THSD7B: variants seen among roughly 807,000 people sequenced by gnomAD.
THSD7B encodes the protein thrombospondin type 1 domain containing 7B.
THSD7B carries 138 observed loss-of-function variants against 213.6 expected under a neutral mutation model. That is an observed-to-expected ratio of 0.65 (90% confidence interval 0.56 to 0.74). THSD7B has a LOEUF of 0.74. THSD7B is among the 30% of genes least tolerant of loss of function. THSD7B has a pLI of 0.00. For missense variants in THSD7B, 1,931 were observed against 1,991.5 expected (o/e 0.97, Z 0.58); for synonymous variants, 742 against 687.0 (o/e 1.08, Z -1.25).
At chr2:137,095,288 G>C (rs1252151189) in intron 4 of THSD7B, among the ~76,000 whole-genome samples, 167 bp downstream of exon 4, 2 of 152,170 alleles carry the variant, frequency 1.3e-5, no homozygotes, top group African/African-American at 2.4e-5. Context: ...ATGGGCTTTG[G>C]TGTTGACTCC....
At chr2:136,903,174 A>T (rs1466788934) in intron 2 of THSD7B, among the ~76,000 whole-genome samples, 2 of 152,334 alleles carry the variant, frequency 1.3e-5, no homozygotes, top group Admixed American at 1.3e-4. Flanking sequence ...TTTTAAAAAA[A>T]ATATGAAATT....
chr2:137,472,498 T>A (rs1163165420), intron 15 of THSD7B, among the ~76,000 whole-genome samples: 2 of 152,182 alleles, frequency 1.3e-5, no homozygotes, highest in South Asian at 2.1e-4. Flanking sequence ...ACAAAAAAAA[T>A]TAAGTGGCAT....
intron 12 of THSD7B, among the ~76,000 whole-genome samples, chr2:137,387,346 T>C (rs138075507): frequency 6.6e-6 from 1 of 152,302 alleles, no homozygotes; most frequent in Non-Finnish European, 1.5e-5. Flanking sequence ...CCCAGGCAGT[T>C]TCTCAGAGGG....
At chr2:137,220,616 G>A (rs985408705) in intron 7 of THSD7B, among the ~76,000 whole-genome samples, 1 of 152,180 alleles carries the variant, frequency 6.6e-6, no homozygotes, top group African/African-American at 2.4e-5. Context: ...AAAGAGTGCA[G>A]ACACTTTGGA....
chr2:136,940,290 A>T (rs1018966733), intron 2 of THSD7B, among the ~76,000 whole-genome samples: 4 of 152,032 alleles, frequency 2.6e-5, no homozygotes, highest in African/African-American at 7.2e-5. Context: ...TTTCTAATTC[A>T]CTTAAGATAA....
chr2:137,069,067 T>G (rs1252139575), intron 3 of THSD7B, among the ~76,000 whole-genome samples: 1 of 152,082 alleles, frequency 6.6e-6, no homozygotes, highest in Admixed American at 6.6e-5. Context: ...TACTCTGCTC[T>G]CTCATCATTG....
At chr2:137,670,788 G>C (rs993179519) in intron 27 of THSD7B, among the ~76,000 whole-genome samples, 13 of 152,090 alleles carry the variant, frequency 8.5e-5, no homozygotes, top group Middle Eastern at 3.4e-3. Flanking sequence ...AGGTGTGGTG[G>C]CGGGCGCCTG....
chr2:137,417,279 T>G (rs112966284), intron 14 of THSD7B, among the ~76,000 whole-genome samples: 2,191 of 152,302 alleles, frequency 0.014, 44 homozygotes, highest in African/African-American at 0.05. Context: ...TTTAAATAAT[T>G]GAAATATTTC....
intron 7 of THSD7B, among the ~76,000 whole-genome samples, chr2:137,208,097 A>C (rs1298388582): frequency 6.6e-6 from 1 of 152,124 alleles, no homozygotes; most frequent in African/African-American, 2.4e-5. Context: ...AATTATCGCC[A>C]GACCAACTCA....
intron 2 of THSD7B, among the ~76,000 whole-genome samples, chr2:136,959,528 C>T (rs1271202242): frequency 2.6e-5 from 4 of 152,194 alleles, no homozygotes; most frequent in Non-Finnish European, 5.9e-5. Flanking sequence ...ACTTGACTGT[C>T]AGAGCACTCA....
intron 17 of THSD7B, among the ~76,000 whole-genome samples, chr2:137,589,911 T>C (rs1167746819): frequency 6.6e-6 from 1 of 152,194 alleles, no homozygotes; most frequent in Non-Finnish European, 1.5e-5. Context: ...GATTTTCGTC[T>C]TAAGGAACAA....
intron 14 of THSD7B, among the ~76,000 whole-genome samples, chr2:137,438,103 T>C (rs1687329946): frequency 6.6e-6 from 1 of 152,188 alleles, no homozygotes; most frequent in African/African-American, 2.4e-5. Context: ...TTCCAGACCA[T>C]CTGATCTACA....
At chr2:137,471,773 C>T (rs1195998176) in intron 15 of THSD7B, among the ~76,000 whole-genome samples, 3 of 152,142 alleles carry the variant, frequency 2.0e-5, no homozygotes, top group Admixed American at 6.5e-5. Flanking sequence ...GTCCCCTAGA[C>T]TCTGCACCTT....
intron 2 of THSD7B, among the ~76,000 whole-genome samples, chr2:136,950,990 AG>A: frequency 6.6e-6 from 1 of 152,274 alleles, no homozygotes; most frequent in African/African-American, 2.4e-5. Flanking sequence ...TTTGGTGGCT[AG>A]ATACTGAAAC....
chr2:137,230,497 G>A (rs983490180), intron 7 of THSD7B, among the ~76,000 whole-genome samples: 1 of 152,034 alleles, frequency 6.6e-6, no homozygotes, highest in Non-Finnish European at 1.5e-5. Flanking sequence ...ATGTCAACAC[G>A]TTATATAATT....
At chr2:137,152,355 C>G (rs1679835233) in intron 5 of THSD7B, among the ~76,000 whole-genome samples, 1 of 151,744 alleles carries the variant, frequency 6.6e-6, no homozygotes, top group South Asian at 2.1e-4. Flanking sequence ...TTATTTTTTC[C>G]TAGTTAATTA....
In THSD7B at chr2:137,588,544, T is replaced by G. The variant is rs1573728598; in HGVS notation, c.3423+15988T>G. On this transcript the variant is annotated intron_variant, in intron 17 of 27. Transcript: ENST00000409968. ...TTATAGTCTTTTGAATGCTTCTGAT[T>G]CCATTTTAGCATTTATATTTCACAC... 2.6e-5 allele frequency among the ~76,000 whole-genome samples: 4 copies of G among 152,058 alleles called. No homozygotes were observed. The East Asian group carries it at 5.8e-4, about 22-fold the overall frequency.
intron 12 of THSD7B, among the ~76,000 whole-genome samples, chr2:137,380,772 T>C (rs1685756737): frequency 6.6e-6 from 1 of 152,230 alleles, no homozygotes; most frequent in Admixed American, 6.5e-5. Flanking sequence ...CAGTCCAGCA[T>C]GACTCAGTGA....
chr2:137,273,025 TACACACAC>T (rs71877881), intron 11 of THSD7B, among the ~76,000 whole-genome samples: 22,063 of 140,918 alleles, frequency 0.16, 1,726 homozygotes, highest in Non-Finnish European at 0.17. Flanking sequence ...GGAGAAGGAA[TACACACAC>T]ACACACACAC....
Sources: allele counts gnomAD v4.1 joint callset (sites outside exome capture counted in the v4.1 genomes callset), GRCh38; gene constraint gnomAD v4.1.1; transcripts MANE v1.5; gene names NCBI Gene and HGNC (gene_info 2026-07-23, HGNC 2026-07-21).